The following GGA2 variants were observed in gnomAD, a reference collection of about 807,000 sequenced individuals.
GGA2 encodes the protein ADP-ribosylation factor-binding protein GGA2.
In GGA2, 48 loss-of-function variants were observed where a neutral mutation model predicts 79.5. The observed-to-expected ratio is 0.60, with a 90% CI of 0.48 to 0.77. GGA2 has a LOEUF of 0.77. GGA2 is among the 30% of genes least tolerant of loss of function. The probability of loss-of-function intolerance (pLI) is 0.00; values close to 1 mark genes in which losing one functional copy is unlikely to be tolerated. For synonymous variants in GGA2, 317 were observed against 302.0 expected, an observed-to-expected ratio of 1.05 and a Z score of -0.51; for missense variants, 770 against 774.0, an observed-to-expected ratio of 0.99 and a Z score of 0.06.
chr16:23,478,265 G>T, intron 13 of GGA2, 103 bp downstream of exon 13: 1 of 755,928 alleles, frequency 1.3e-6, no homozygotes. Context: ...GTTTCTCCAG[G>T]GCGAGAGGCT....
chr16:23,508,416 T>G (rs1464943429), intron 1 of GGA2, among the ~76,000 whole-genome samples: 1 of 152,198 alleles, frequency 6.6e-6, no homozygotes, highest in Admixed American at 6.5e-5. Context: ...CTCCTAAAAC[T>G]ACTACCTTCT....
chr16:23,507,433 G>C (rs888157389), intron 1 of GGA2, among the ~76,000 whole-genome samples: 2 of 152,250 alleles, frequency 1.3e-5, no homozygotes, highest in Non-Finnish European at 2.9e-5. Context: ...TTTGAGACCA[G>C]CCTGACAAAC....
chr16:23,473,327 A>ATTTT, intron 14 of GGA2, among the ~76,000 whole-genome samples: 2 of 73,148 alleles, frequency 2.7e-5, no homozygotes, highest in Non-Finnish European at 6.0e-5. Context: ...TTACTTTTCT[A>ATTTT]GTCTTTTTTT....
chr16:23,507,985 T>G (rs535949799), intron 1 of GGA2, among the ~76,000 whole-genome samples: 49 of 151,666 alleles, frequency 3.2e-4, no homozygotes, highest in African/African-American at 1.1e-3. Flanking sequence ...TGAAGAACTG[T>G]GTCCTTGGGC....
chr16:23,493,214 A>G, intron 4 of GGA2, 146 bp downstream of exon 4: 1 of 624,868 alleles, frequency 1.6e-6, no homozygotes, highest in Non-Finnish European at 2.9e-6. Flanking sequence ...GCCTCTTCCT[A>G]GAGCTTGGAG....
At chr16:23,511,017 G>GTGTT (rs142529148), upstream of GGA2, among the ~76,000 whole-genome samples, 2 of 1,824 alleles carry the variant, frequency 1.1e-3, no homozygotes, top group South Asian at 0.014. Context: ...GGGTTTCACC[G>GTGTT]TGTGTGTGTG....
At chr16:23,478,952 C>T (rs772380114) in intron 11 of GGA2, 41 bp from the exon 12 acceptor site, 12 of 1,389,744 alleles carry the variant, frequency 8.6e-6, no homozygotes, top group African/African-American at 1.4e-5. Flanking sequence ...ACAGTAACTC[C>T]ACCTGCTTCC....
chr16:23,477,076 T>C (rs1964584667), intron 13 of GGA2, among the ~76,000 whole-genome samples: 1 of 152,184 alleles, frequency 6.6e-6, no homozygotes, highest in Non-Finnish European at 1.5e-5. Context: ...CTCAGCCTCC[T>C]GAGCAGCTGG....
In GGA2 at chr16:23,488,650, A is replaced by T. The variant is rs777876759; in HGVS notation, c.535T>A (p.Trp179Arg). 2 of 1,611,412 alleles carry T rather than the reference A, an allele frequency of 1.2e-6. No homozygotes were observed. The highest frequency in any genetic ancestry group is 2.2e-5 in the East Asian group (1 of 44,850). The change falls in exon 6 of 17, where the codon TGG becomes AGG. Residue 179 changes from tryptophan to arginine, a missense_variant. By Grantham distance (101) the Trp-to-Arg change is moderately radical. Coordinates refer to ENST00000309859, the MANE Select transcript of GGA2 (RefSeq NM_015044.4). ...VDKILPPPSP[W>R]PKSSIFDADE... ...GCATCAAAGATGGAGCTCTTGGGCC[A>T]GGGAGATGGTGGGGGTAAGATTTTA... is the stretch of plus-strand genomic sequence containing the variant.
chr16:23,475,379 A>G (rs1596977813), intron 13 of GGA2, among the ~76,000 whole-genome samples: 1 of 151,608 alleles, frequency 6.6e-6, no homozygotes, highest in South Asian at 2.1e-4. Context: ...TATTAGAGAC[A>G]GGGTTTCACC....
intron 8 of GGA2, among the ~76,000 whole-genome samples, chr16:23,484,682 C>T (rs1964690683): frequency 6.6e-6 from 1 of 152,202 alleles, no homozygotes; most frequent in African/African-American, 2.4e-5. Flanking sequence ...GTACTTCACA[C>T]CCTCCAGGAG....
At chr16:23,474,710 C>A (rs926314274) in intron 14 of GGA2, among the ~76,000 whole-genome samples, 194 bp downstream of exon 14, 2 of 152,054 alleles carry the variant, frequency 1.3e-5, no homozygotes, top group African/African-American at 4.8e-5. Context: ...CCTCAGCCTC[C>A]CAAAGTGCTG....
At chr16:23,471,502 T>C (rs1567358179) in intron 14 of GGA2, among the ~76,000 whole-genome samples, 1 of 152,020 alleles carries the variant, frequency 6.6e-6, no homozygotes, top group Admixed American at 6.6e-5. Flanking sequence ...AATGAGACTG[T>C]AACATAACAT....
chr16:23,489,372 C>T (rs1481667922), intron 5 of GGA2, among the ~76,000 whole-genome samples: 2 of 152,146 alleles, frequency 1.3e-5, no homozygotes, highest in South Asian at 2.1e-4. Flanking sequence ...GTAGCTGGGA[C>T]TACAGGTGGG....
chr16:23,472,176 T>C (rs987179306), intron 14 of GGA2, among the ~76,000 whole-genome samples: 2 of 146,318 alleles, frequency 1.4e-5, no homozygotes, highest in Non-Finnish European at 3.0e-5. Context: ...ATGTTCTTTG[T>C]AGCCCTGGTT....
rs769476854 is a variant in GGA2 at position 23,510,347 on chromosome 16, G to A, written c.65C>T (p.Pro22Leu). The A allele has an allele frequency of 6.3e-5, 90 of 1,436,664 alleles. No homozygotes were observed. In the South Asian group the frequency reaches 1.0e-3, roughly 16 times the overall value. 89.0% of individuals were successfully genotyped at this position (1,436,664 alleles called of 1,614,324 possible). ...GAGCCACAGCTCCAGCGACGCTGCC[G>A]GGCCCGGGGGACCCTGGGCCGACTC... ...GTESAQGPPGPAASLELWLNK... is the reference protein window; with the variant it reads ...GTESAQGPPGLAASLELWLNK... Residue 22 changes from proline to leucine, a missense_variant, in exon 1 of 17, where the codon CCG becomes CTG. By Grantham distance (98) the Pro-to-Leu change is moderately conservative (BLOSUM62 -3). Coordinates refer to ENST00000309859, the MANE Select transcript of GGA2 (RefSeq NM_015044.4).
chr16:23,511,350 G>A (rs1311009700), upstream of GGA2, among the ~76,000 whole-genome samples: 4 of 150,646 alleles, frequency 2.7e-5, no homozygotes, highest in African/African-American at 9.8e-5. Context: ...TAGTAGAAAC[G>A]AGGGTTCACT....
At chr16:23,517,766 A>C (rs1306135597) in intron 2 of GGA2, among the ~76,000 whole-genome samples, 1 of 151,642 alleles carries the variant, frequency 6.6e-6, no homozygotes, top group African/African-American at 2.4e-5. Flanking sequence ...CACCTAGCTA[A>C]TTTTTTGTGT....
chr16:23,510,830 C>T (rs1366178706), upstream of GGA2, among the ~76,000 whole-genome samples: 1 of 151,516 alleles, frequency 6.6e-6, no homozygotes, highest in Non-Finnish European at 1.5e-5. Context: ...CTTCAGTCTC[C>T]GGAGGAGCTG....
Sources: gnomAD v4.1 joint callset for allele counts (sites outside exome capture counted in the v4.1 genomes callset) on GRCh38, gnomAD v4.1.1 for gene constraint, MANE v1.5 for transcripts, NCBI Gene and HGNC (gene_info 2026-07-23, HGNC 2026-07-21) for gene names.